Variants in RIF1 observed in about 807,000 individuals in gnomAD.
RIF1 encodes replication timing regulatory factor 1.
Under a neutral mutation model 247.1 loss-of-function variants are expected in RIF1, and 45 were observed. That is an observed-to-expected ratio of 0.18 (90% CI 0.14 to 0.23). RIF1 has a LOEUF of 0.23. RIF1 is among the 10% of genes least tolerant of loss of function. The probability of loss-of-function intolerance (pLI) is 1.00; values close to 1 mark genes in which losing one functional copy is unlikely to be tolerated. For synonymous variants in RIF1, 1,087 were observed against 978.8 expected (o/e 1.11, Z -2.06); for missense variants, 2,967 against 2,862.5 (o/e 1.04, Z -0.83).
the RIF1 span, chr2:151,529,411 C>T: frequency 2.5e-6 from 2 of 787,594 alleles, no homozygotes; most frequent in South Asian, 1.5e-5. Flanking sequence ...GACTATAGTA[C>T]ACAATGCTCC....
At position 151,463,878 on chromosome 2, in the gene RIF1, A is replaced by G; in HGVS notation, c.4358A>G (p.Lys1453Arg). The G allele has an allele frequency of 6.2e-7, 1 of 1,613,536 alleles. No homozygotes were observed. Among genetic ancestry groups the G allele is most frequent in the Non-Finnish European group, 8.5e-7 (1 of 1,179,908 alleles). ...RRKEEEKPLQ[K>R]SPLHIKDDVL... ...AAGGAAGAAGAAAAACCTCTTCAGA[A>G]GAGTCCATTGCATATAAAAGATGAT... Residue 1453 changes from lysine (K) to arginine (R), a missense_variant, in exon 30 of 36, where the codon AAG (lysine) becomes AGG (arginine). Physicochemically the swap from Lys to Arg is conservative, Grantham distance 26 (BLOSUM62 2). Transcript: ENST00000444746.
chr2:151,426,537 AAGAC>A (rs916717493), intron 8 of RIF1, among the ~76,000 whole-genome samples: 1 of 152,070 alleles, frequency 6.6e-6, no homozygotes. Context: ...ATCTGTGAAA[AAGAC>A]AGTTGGAATC....
At chr2:151,524,588 T>G in the RIF1 span, 1 of 1,612,196 alleles carries the variant, frequency 6.2e-7, no homozygotes, top group Non-Finnish European at 8.5e-7. Flanking sequence ...GTAATGCAGG[T>G]TCTCTTTGGC....
At chr2:151,503,393 G>C (rs776141744) in intron 12 of RIF1, 2 of 1,612,834 alleles carry the variant, frequency 1.2e-6, no homozygotes, top group Non-Finnish European at 1.7e-6. Flanking sequence ...TCAATCTCTG[G>C]AGTCACAGTG....
At chr2:151,471,323 T>TACA (rs1157735751) in intron 34 of RIF1, among the ~76,000 whole-genome samples, 2 of 152,244 alleles carry the variant, frequency 1.3e-5, no homozygotes, top group African/African-American at 4.8e-5. Flanking sequence ...GTAGGTTGCC[T>TACA]GTTCACTCTG....
the RIF1 span, among the ~76,000 whole-genome samples, chr2:151,517,320 T>C: frequency 6.6e-6 from 1 of 152,194 alleles, no homozygotes; most frequent in Non-Finnish European, 1.5e-5. Flanking sequence ...CTGCTCAATC[T>C]CCGAGCTCTT....
chr2:151,433,329 G>T, intron 10 of RIF1, 101 bp downstream of exon 10: 1 of 885,018 alleles, frequency 1.1e-6, no homozygotes, highest in Non-Finnish European at 1.7e-6. Context: ...CTATTTATTA[G>T]CAGACTAGAA....
Position 151,475,332 on chromosome 2 carries a change from A to G in RIF1, c.*261A>G. ...AATTTAATTATCTTACTGAGATGTG[A>G]AAGCAAAACTAGTAACAGAACTTAC... On this transcript the variant is annotated 3_prime_UTR_variant, in exon 36 of 36. Transcript: ENST00000444746. The G allele has an allele frequency of 2.5e-6, 1 of 404,538 alleles. No homozygotes were observed. The allele number at this position is 404,538 out of a possible 1,614,324, so 25.1% of individuals were successfully genotyped here.
chr2:151,491,694 T>C, intron 9 of RIF1: 1 of 1,592,326 alleles, frequency 6.3e-7, no homozygotes, highest in Non-Finnish European at 8.6e-7. Context: ...ATTAATCATG[T>C]GTAAGCTTCG....
intron 10 of RIF1, chr2:151,497,041 A>C: frequency 6.4e-7 from 1 of 1,561,446 alleles, no homozygotes; most frequent in Non-Finnish European, 8.7e-7. Flanking sequence ...CACCTGTGCG[A>C]TAAGAAAGCA....
chr2:151,499,218 G>T, intron 10 of RIF1: 1 of 738,412 alleles, frequency 1.4e-6, no homozygotes, highest in Non-Finnish European at 2.2e-6. Context: ...GGGATGAGTT[G>T]ATTAGATTTT....
At chr2:151,440,264 A>G (rs1306123912) in intron 15 of RIF1, 137 bp downstream of exon 15, 4 of 623,992 alleles carry the variant, frequency 6.4e-6, no homozygotes, top group South Asian at 3.7e-5. Flanking sequence ...TCCTATTGCA[A>G]TAAGTGCCAT....
At chr2:151,440,395 A>G (rs753356075) in intron 15 of RIF1, among the ~76,000 whole-genome samples, 2 of 152,252 alleles carry the variant, frequency 1.3e-5, no homozygotes, top group Non-Finnish European at 2.9e-5. Flanking sequence ...GGTAAAGGAC[A>G]TGAAACTTGA....
the RIF1 span, chr2:151,524,729 C>A: frequency 1.0e-4 from 80 of 791,054 alleles, 1 homozygote; most frequent in South Asian, 4.5e-4. Context: ...TGCAGTGGTA[C>A]AATCTCAGCT....
chr2:151,445,941 A>G (rs10203982), intron 19 of RIF1, among the ~76,000 whole-genome samples: 2,297 of 152,312 alleles, frequency 0.015, 69 homozygotes, highest in African/African-American at 0.052. Context: ...AATTTTTGGT[A>G]TCATGGCCTT....
intron 33 of RIF1, 113 bp downstream of exon 33, chr2:151,468,869 AC>A (rs1697373638): frequency 1.3e-6 from 1 of 755,956 alleles, no homozygotes. Flanking sequence ...ACTCTCACAC[AC>A]ATTTTATTTT....
Position 151,468,681 on chromosome 2 carries a change from A to G in RIF1, c.6866A>G (p.Glu2289Gly), listed in dbSNP as rs1227618802. ...AAAGAATCCATACCATGCCCAACAG[A>G]AAGTGTTTACCCACCATTGGTGAAC... The part of the protein sequence containing the change: ...MAKESIPCPT[E>G]SVYPPLVNCV... The change falls in exon 33 of 36, where the codon GAA (glutamate) becomes GGA (glycine). Residue 2289 changes from glutamate to glycine, a missense_variant. Physicochemically the swap from Glu to Gly is moderately conservative, Grantham distance 98 (BLOSUM62 -2). Coordinates refer to ENST00000444746, the MANE Select transcript of RIF1 (RefSeq NM_018151.5). 3 of 1,613,962 alleles carry G rather than the reference A, an allele frequency of 1.9e-6. No homozygotes were observed. The Admixed American group carries it at 5.0e-5, about 27-fold the overall frequency.
chr2:151,454,845 C>T, intron 21 of RIF1, 50 bp from the exon 22 acceptor site: 1 of 1,370,534 alleles, frequency 7.3e-7, no homozygotes, highest in Non-Finnish European at 9.9e-7. Flanking sequence ...GACAGTGACT[C>T]CTATTTTCAA....
intron 29 of RIF1, 35 bp downstream of exon 29, chr2:151,462,501 A>G: frequency 2.2e-6 from 3 of 1,363,532 alleles, no homozygotes; most frequent in Non-Finnish European, 2.0e-6. Context: ...GGCTTTTTAG[A>G]ATCACCCTTC....
Sources: gnomAD v4.1 joint callset for allele counts (sites outside exome capture counted in the v4.1 genomes callset) on GRCh38, gnomAD v4.1.1 for gene constraint, MANE v1.5 for transcripts, NCBI Gene and HGNC (gene_info 2026-07-23, HGNC 2026-07-21) for gene names.